The following SESN1 variants were observed in gnomAD, a reference collection of about 807,000 sequenced individuals.
SESN1 encodes the protein sestrin 1, also known as sestrin-1.
Under a neutral mutation model 59.3 loss-of-function variants are expected in SESN1, and 30 were observed. The observed-to-expected ratio is 0.51, with a 90% CI of 0.38 to 0.69. SESN1 has a LOEUF of 0.69. Ranked by LOEUF, SESN1 falls within the 30% of genes least tolerant of loss-of-function variation. SESN1 has a pLI of 0.00. For missense variants in SESN1, 566 were observed against 673.0 expected (o/e 0.84, Z 1.76); for synonymous variants, 197 against 219.9 (o/e 0.90, Z 0.92).
chr6:108,988,266 CT>C (rs1014553426), intron 9 of SESN1: 21 of 270,604 alleles, frequency 7.8e-5, no homozygotes, highest in African/African-American at 4.2e-4. Context: ...ACACTTCTAC[CT>C]ATACACAGCT....
chr6:109,004,548 T>G (rs985608451), intron 1 of SESN1, among the ~76,000 whole-genome samples: 1 of 152,114 alleles, frequency 6.6e-6, no homozygotes, highest in East Asian at 1.9e-4. Flanking sequence ...GTGATTCTCC[T>G]GTCTCCCGAG....
At chr6:109,068,428 C>T (rs373407424) in intron 1 of SESN1, among the ~76,000 whole-genome samples, 2 of 151,684 alleles carry the variant, frequency 1.3e-5, no homozygotes, top group African/African-American at 2.4e-5. Flanking sequence ...AATAGAAGAA[C>T]TGAATAATAG....
At chr6:108,990,925 A>G in intron 7 of SESN1, 90 bp from the exon 8 acceptor site, 1 of 1,159,044 alleles carries the variant, frequency 8.6e-7, no homozygotes, top group Non-Finnish European at 1.2e-6. Flanking sequence ...AATCATTGTC[A>G]TTTGGCTGAC....
At chr6:109,081,632 T>C (rs2114475917) in intron 1 of SESN1, among the ~76,000 whole-genome samples, 1 of 152,254 alleles carries the variant, frequency 6.6e-6, no homozygotes, top group South Asian at 2.1e-4. Context: ...TCCAATCCCA[T>C]GGCACATTTT....
intron 1 of SESN1, among the ~76,000 whole-genome samples, chr6:109,075,652 C>A (rs879373929): frequency 6.6e-6 from 1 of 152,122 alleles, no homozygotes; most frequent in Non-Finnish European, 1.5e-5. Flanking sequence ...CCAATTTGAG[C>A]CTTCAGATGA....
intron 1 of SESN1, among the ~76,000 whole-genome samples, chr6:109,042,225 A>G (rs1177138458): frequency 6.6e-6 from 1 of 152,074 alleles, no homozygotes; most frequent in African/African-American, 2.4e-5. Context: ...AGGGAAATTT[A>G]TAACACTACA....
intron 1 of SESN1, chr6:109,009,535 G>A (rs1779815213): frequency 2.6e-6 from 3 of 1,155,016 alleles, no homozygotes; most frequent in South Asian, 8.6e-5. Flanking sequence ...TGGCTGCAGC[G>A]CCTCAGTCAG....
At chr6:109,078,143 A>AC (rs1781060992) in intron 1 of SESN1, among the ~76,000 whole-genome samples, 1 of 152,062 alleles carries the variant, frequency 6.6e-6, no homozygotes, top group Non-Finnish European at 1.5e-5. Flanking sequence ...TCCTATACAT[A>AC]CATTTTAAAA....
chr6:109,086,586 A>G (rs1039381056), intron 1 of SESN1, among the ~76,000 whole-genome samples: 3 of 152,224 alleles, frequency 2.0e-5, no homozygotes, highest in African/African-American at 7.2e-5. Context: ...GTCTGCACAT[A>G]CAGCACCTTT....
Position 108,998,759 on chromosome 6 carries a change from AGGGG to A in SESN1, c.730-8_730-5del. 6.3e-7 allele frequency: 1 copy of A among 1,598,540 alleles called. No individual in the cohort carries two copies. The highest frequency in any genetic ancestry group is 8.5e-7 in the Non-Finnish European group (1 of 1,170,978). ...GCTCTTCAGCTTTTAAAAGTCCCTT[AGGGG>A]GAAAAAAAAAAAGAATATATTTTTG... On this transcript the variant is annotated splice_polypyrimidine_tract_variant and splice_region_variant and intron_variant, in intron 4 of 9. Coordinates refer to ENST00000436639, the MANE Select transcript of SESN1 (RefSeq NM_014454.3).
chr6:109,008,351 A>T (rs951700565), intron 1 of SESN1, among the ~76,000 whole-genome samples: 1 of 152,224 alleles, frequency 6.6e-6, no homozygotes, highest in African/African-American at 2.4e-5. Context: ...TTTTTGGTAA[A>T]GTTTCCAAAG....
intron 2 of SESN1, 139 bp downstream of exon 2, chr6:109,002,139 T>C (rs2114310357): frequency 1.5e-6 from 1 of 646,494 alleles, no homozygotes; most frequent in South Asian, 2.0e-5. Flanking sequence ...ACAGATTCAC[T>C]GCCAAAGAAT....
At chr6:109,054,000 C>G (rs1411931878) in intron 1 of SESN1, among the ~76,000 whole-genome samples, 1 of 151,992 alleles carries the variant, frequency 6.6e-6, no homozygotes, top group Non-Finnish European at 1.5e-5. Flanking sequence ...GGAATTACTT[C>G]TTGCCCCAGT....
chr6:108,996,974 C>T (rs985293704), intron 5 of SESN1, among the ~76,000 whole-genome samples: 9 of 150,530 alleles, frequency 6.0e-5, no homozygotes, highest in Non-Finnish European at 1.3e-4. Context: ...AACTATATAA[C>T]ATTCTGGAAA....
intron 6 of SESN1, among the ~76,000 whole-genome samples, chr6:108,993,403 A>AG (rs954319329): frequency 1.3e-5 from 2 of 152,126 alleles, no homozygotes; most frequent in African/African-American, 4.8e-5. Flanking sequence ...CATGTTTAGG[A>AG]GTTGATGAGA....
chr6:109,032,617 C>A (rs184856485), intron 1 of SESN1, among the ~76,000 whole-genome samples: 1 of 139,234 alleles, frequency 7.2e-6, no homozygotes, highest in Non-Finnish European at 1.5e-5. Flanking sequence ...GACTTCATCT[C>A]GTGGGGGGAG....
intron 1 of SESN1, among the ~76,000 whole-genome samples, chr6:109,092,183 G>A (rs1781325799): frequency 6.6e-6 from 1 of 152,178 alleles, no homozygotes; most frequent in Non-Finnish European, 1.5e-5. Context: ...GAAAGGGAGA[G>A]GAGCATCTAC....
intron 1 of SESN1, among the ~76,000 whole-genome samples, chr6:109,069,595 G>A (rs1366150126): frequency 6.6e-6 from 1 of 151,814 alleles, no homozygotes; most frequent in African/African-American, 2.4e-5. Context: ...AGACTGGAGG[G>A]CAGTGATACA....
At chr6:109,042,975 T>C (rs566093092) in intron 1 of SESN1, among the ~76,000 whole-genome samples, 1 of 152,156 alleles carries the variant, frequency 6.6e-6, no homozygotes, top group South Asian at 2.1e-4. Context: ...AATTCCACAA[T>C]GTATAAAAAG....
Sources: allele counts gnomAD v4.1 joint callset (sites outside exome capture counted in the v4.1 genomes callset), GRCh38; gene constraint gnomAD v4.1.1; transcripts MANE v1.5; gene names NCBI Gene and HGNC (gene_info 2026-07-23, HGNC 2026-07-21).